The following NWD1 variants were observed in gnomAD, a reference collection of about 807,000 sequenced individuals.
The protein encoded by NWD1 is NACHT and WD repeat domain containing 1.
A neutral mutation model predicts 135.1 loss-of-function variants in NWD1; 129 were observed. The observed-to-expected ratio is 0.96, with a 90% CI of 0.83 to 1.11. The LOEUF (loss-of-function observed/expected upper bound fraction) is 1.11, where lower values mean the gene tolerates loss of function less well. Ranked by LOEUF, NWD1 falls within the 50% of genes least tolerant of loss-of-function variation. The probability of loss-of-function intolerance (pLI) is 0.00; values close to 1 mark genes in which losing one functional copy is unlikely to be tolerated. For synonymous variants in NWD1, 773 were observed against 786.0 expected (o/e 0.98, Z 0.28); for missense variants, 1,740 against 1,851.3 (o/e 0.94, Z 1.10).
chr19:16,762,284 G>T (rs1269334483), intron 8 of NWD1, 146 bp downstream of exon 8: 3 of 554,688 alleles, frequency 5.4e-6, no homozygotes, highest in Non-Finnish European at 9.3e-6. Context: ...CCCTTCTACT[G>T]TCCCCCCCAC....
chr19:16,759,411 C>T lies in NWD1; in HGVS notation c.1956C>T (p.Leu652=), dbSNP rs1357958724. ...GGCGGCCCGTGGATGGCTTCACCCT[C>T]CTGGCCATTGCCCACAGGTAGGTCC... ...LARRPVDGFT[L]LAIAHRQLVE... The change falls in exon 7 of 19, where the codon CTC becomes CTT. Residue 652 remains leucine (L), a synonymous_variant. Coordinates refer to ENST00000524140, the MANE Select transcript of NWD1 (RefSeq NM_001007525.5). The T allele has an allele frequency of 6.4e-7, 1 of 1,567,126 alleles. No individual in the cohort carries two copies. The highest frequency in any genetic ancestry group is 1.2e-5 in the South Asian group (1 of 86,826).
intron 10 of NWD1, 32 bp from the exon 11 acceptor site, chr19:16,773,094 C>T (rs1969470395): frequency 1.2e-6 from 2 of 1,600,526 alleles, no homozygotes; most frequent in Non-Finnish European, 1.7e-6. Context: ...GGGCTCAATC[C>T]AGGCAACTTA....
chr19:16,774,493 A>G (rs919429791), intron 11 of NWD1, among the ~76,000 whole-genome samples: 2 of 151,214 alleles, frequency 1.3e-5, no homozygotes, highest in Admixed American at 6.6e-5. Flanking sequence ...CCATCCATCC[A>G]TCTATCCATC....
intron 18 of NWD1, among the ~76,000 whole-genome samples, chr19:16,812,003 G>A (rs1301717190): frequency 6.6e-6 from 1 of 152,082 alleles, no homozygotes; most frequent in Non-Finnish European, 1.5e-5. Flanking sequence ...GGAACAGAGC[G>A]AGATTCCATC....
Position 16,773,290 on chromosome 19 carries a change from C to A in NWD1, c.2575C>A (p.Pro859Thr). 6.2e-6 allele frequency: 10 copies of A among 1,613,106 alleles called. No individual in the cohort carries two copies. The highest frequency in any genetic ancestry group is 7.6e-6 in the Non-Finnish European group (9 of 1,179,914). ...LGGFLQPPGG[P>T]LRATLSGCHK... ...AGGATTCCTCCAGCCCCCGGGAGGA[C>A]CCCTCCGGGCAACTCTCAGCGGCTG... The change falls in exon 11 of 19, where the codon CCC (proline) becomes ACC (threonine). Residue 859 changes from proline to threonine, a missense_variant. By Grantham distance (38) the Pro-to-Thr change is conservative. Coordinates refer to ENST00000524140, the MANE Select transcript of NWD1 (RefSeq NM_001007525.5).
chr19:16,810,487 A>G (rs1224010508), intron 18 of NWD1, among the ~76,000 whole-genome samples: 1 of 147,802 alleles, frequency 6.8e-6, no homozygotes, highest in Non-Finnish European at 1.5e-5. Context: ...GTAAGTCTAG[A>G]TTAGGCACAG....
At chr19:16,725,076 A>T (rs1967275677) in intron 2 of NWD1, among the ~76,000 whole-genome samples, 1 of 149,530 alleles carries the variant, frequency 6.7e-6, no homozygotes, top group South Asian at 2.2e-4. Context: ...CAGTGGTATG[A>T]TCTTGGCTCA....
At chr19:16,814,297 A>T (rs1026810419) in intron 18 of NWD1, among the ~76,000 whole-genome samples, 1 of 152,228 alleles carries the variant, frequency 6.6e-6, no homozygotes, top group Non-Finnish European at 1.5e-5. Context: ...CACAGTGAGT[A>T]ACTAGTAGGC....
intron 4 of NWD1, among the ~76,000 whole-genome samples, chr19:16,738,050 G>T (rs551052722): frequency 2.9e-4 from 44 of 152,030 alleles, no homozygotes; most frequent in Non-Finnish European, 5.0e-4. Context: ...AGCCTGAAAG[G>T]CAAGTGTGGC....
At chr19:16,808,549 A>AAAAAAG (rs1970826858) in intron 18 of NWD1, among the ~76,000 whole-genome samples, 1 of 151,852 alleles carries the variant, frequency 6.6e-6, no homozygotes, top group African/African-American at 2.4e-5. Context: ...CGTTTAAAAA[A>AAAAAAG]AAAAGAAAAG....
chr19:16,805,485 T>C (rs1970722134), intron 17 of NWD1, among the ~76,000 whole-genome samples: 1 of 151,922 alleles, frequency 6.6e-6, no homozygotes, highest in South Asian at 2.1e-4. Context: ...CACACCACCA[T>C]ACCTGGTTAA....
chr19:16,720,904 G>C (rs1367165778), intron 1 of NWD1, among the ~76,000 whole-genome samples: 1 of 151,830 alleles, frequency 6.6e-6, no homozygotes, highest in Non-Finnish European at 1.5e-5. Flanking sequence ...AGGCTGGAGC[G>C]CAGTGGCACG....
chr19:16,796,954 G>A (rs912535650), intron 15 of NWD1, among the ~76,000 whole-genome samples: 4 of 152,088 alleles, frequency 2.6e-5, no homozygotes, highest in Admixed American at 6.6e-5. Flanking sequence ...CGAGGTGGGC[G>A]GATCACTTGA....
At chr19:16,725,518 G>A (rs1234253898) in intron 2 of NWD1, among the ~76,000 whole-genome samples, 1 of 151,822 alleles carries the variant, frequency 6.6e-6, no homozygotes, top group Admixed American at 6.6e-5. Flanking sequence ...TAACTAGCTA[G>A]AGTTTATTTA....
chr19:16,794,525 C>T lies in NWD1; in HGVS notation c.3276C>T (p.Val1092=), dbSNP rs548554592. The T allele has an allele frequency of 2.2e-5, 35 of 1,610,696 alleles. No individual in the cohort carries two copies. The South Asian group carries it at 3.0e-4, about 14-fold the overall frequency. Residue 1092 remains valine, a synonymous_variant, in exon 15 of 19, where the codon GTC becomes GTT. Transcript: ENST00000524140. ...CAGATGCTGTGAGGTTCCTGGTGGT[C>T]TCTGAAGATGAGTCCCTCCTCGCCG... ...KLPDAVRFLV[V]SEDESLLAAG... is the part of the protein sequence containing the mutation.
rs1208907266 is a variant in NWD1, at chr19:16,765,124, C to T, written c.2342C>T (p.Ser781Phe). 16 of 1,614,032 alleles carry T rather than the reference C, an allele frequency of 9.9e-6. No individual in the cohort carries two copies. Among genetic ancestry groups the T allele is most frequent in the Non-Finnish European group, 1.1e-5 (13 of 1,180,020 alleles). Residue 781 changes from serine to phenylalanine, a missense_variant, in exon 10 of 19, where the codon TCC (serine) becomes TTC (phenylalanine). Ser to Phe is a radical substitution (Grantham distance 155). Transcript: ENST00000524140. ...DFDLCAPHLD[S>F]PEVGLVREAL... Reference sequence around the variant, plus strand: ...GACCTGTGTGCCCCTCACCTGGACTCCCCTGAGGTTGGCCTGGTCCGTGAA... The same window carrying T: ...GACCTGTGTGCCCCTCACCTGGACTTCCCTGAGGTTGGCCTGGTCCGTGAA...
At chr19:16,764,999 G>A (rs1969167507) in intron 9 of NWD1, 35 bp from the exon 10 acceptor site, 1 of 1,609,534 alleles carries the variant, frequency 6.2e-7, no homozygotes, top group Non-Finnish European at 8.5e-7. Context: ...AGGGAGGTAG[G>A]CACTTCCCAC....
Position 16,763,285 on chromosome 19 carries a change from G to T in NWD1, c.2134-543G>T, listed in dbSNP as rs527849728. ...GCTTCTGACCATCCAATCTGATTAT[G>T]ATTATGCCTCTTGTCTAAAACCTTC... On this transcript the variant is annotated intron_variant, in intron 8 of 18. Coordinates refer to ENST00000524140, the MANE Select transcript of NWD1 (RefSeq NM_001007525.5). Among the ~76,000 whole-genome samples, 5 of 152,216 alleles carry T rather than the reference G, an allele frequency of 3.3e-5. No individual in the cohort carries two copies. In the East Asian group the frequency reaches 9.7e-4, roughly 29 times the overall value.
intron 5 of NWD1, among the ~76,000 whole-genome samples, chr19:16,746,263 C>T (rs11881796): frequency 2.7e-5 from 4 of 146,674 alleles, no homozygotes; most frequent in South Asian, 2.2e-4. Flanking sequence ...AGGAGAGTGA[C>T]GTGGGAGGAT....
Sources: allele counts gnomAD v4.1 joint callset (sites outside exome capture counted in the v4.1 genomes callset), GRCh38; gene constraint gnomAD v4.1.1; transcripts MANE v1.5; gene names NCBI Gene and HGNC (gene_info 2026-07-23, HGNC 2026-07-21).